The following RALGAPA2 variants were observed in gnomAD, a reference collection of about 807,000 sequenced individuals.
RALGAPA2 encodes the protein ral GTPase-activating protein subunit alpha-2.
RALGAPA2 carries 139 observed loss-of-function variants against 230.4 expected under a neutral mutation model. The ratio of observed to expected loss-of-function variants is 0.60; its 90% CI spans 0.53 to 0.69. The LOEUF (loss-of-function observed/expected upper bound fraction) is 0.69. RALGAPA2 is among the 30% of genes least tolerant of loss of function. RALGAPA2 has a pLI of 0.00. For synonymous variants in RALGAPA2, 847 were observed against 837.8 expected (o/e 1.01, Z -0.19); for missense variants, 2,163 against 2,276.0 (o/e 0.95, Z 1.01).
Position 20,526,295 on chromosome 20 carries a change from T to G in RALGAPA2, c.3650A>C (p.Lys1217Thr), listed in dbSNP as rs2063200791. ...VLQLLVSYWE[K>T]LQMFETSLPR... ...CAGAGAGGTTTCAAACATCTGAAGC[T>G]TCTCCCAGTAGGAAACCAGCAACTG... Residue 1217 changes from lysine (K) to threonine (T), a missense_variant, in exon 28 of 40, where the codon AAG (lysine) becomes ACG (threonine). Physicochemically the swap from Lys to Thr is moderately conservative, Grantham distance 78. Coordinates refer to ENST00000202677, the MANE Select transcript of RALGAPA2 (RefSeq NM_020343.4). The G allele has an allele frequency of 6.2e-7, 1 of 1,608,730 alleles. No individual in the cohort carries two copies. Among genetic ancestry groups the G allele is most frequent in the Admixed American group, 1.7e-5 (1 of 58,910 alleles).
intron 37 of RALGAPA2, among the ~76,000 whole-genome samples, chr20:20,448,685 C>T (rs1431346570): frequency 6.6e-6 from 1 of 152,084 alleles, no homozygotes; most frequent in Non-Finnish European, 1.5e-5. Flanking sequence ...GACATTCAAG[C>T]ATTTCTACAA....
intron 27 of RALGAPA2, among the ~76,000 whole-genome samples, chr20:20,530,355 C>T (rs1298425769): frequency 1.3e-5 from 2 of 152,198 alleles, no homozygotes; most frequent in African/African-American, 4.8e-5. Context: ...CATTCCTCAT[C>T]ACAGGGATCA....
At chr20:20,411,049 T>C (rs2060049757) in intron 38 of RALGAPA2, among the ~76,000 whole-genome samples, 1 of 152,150 alleles carries the variant, frequency 6.6e-6, no homozygotes, top group Non-Finnish European at 1.5e-5. Context: ...CTGGATTTAA[T>C]TTTTTTTCAC....
chr20:20,462,428 G>T (rs2061323928), intron 37 of RALGAPA2, among the ~76,000 whole-genome samples: 1 of 152,168 alleles, frequency 6.6e-6, no homozygotes, highest in South Asian at 2.1e-4. Flanking sequence ...TCACGGAGGA[G>T]AAAAGGGAGT....
intron 1 of RALGAPA2, among the ~76,000 whole-genome samples, chr20:20,694,099 G>A (rs1360251268): frequency 2.0e-5 from 3 of 150,706 alleles, no homozygotes; most frequent in Non-Finnish European, 4.4e-5. Flanking sequence ...GCTAGACGTT[G>A]TCTCAAAAAA....
At chr20:20,628,400 C>T (rs144364009) in intron 10 of RALGAPA2, among the ~76,000 whole-genome samples, 95 of 152,332 alleles carry the variant, frequency 6.2e-4, no homozygotes, top group Non-Finnish European at 1.2e-3. Flanking sequence ...TATTCCACCT[C>T]ATATACACAT....
intron 20 of RALGAPA2, among the ~76,000 whole-genome samples, chr20:20,575,928 G>T (rs1374710392): frequency 6.6e-6 from 1 of 151,900 alleles, no homozygotes; most frequent in Non-Finnish European, 1.5e-5. Context: ...AGAATAAGTG[G>T]GGCTATTTGT....
At chr20:20,533,665 C>T (rs559809869) in intron 26 of RALGAPA2, among the ~76,000 whole-genome samples, 46 of 152,172 alleles carry the variant, frequency 3.0e-4, no homozygotes, top group Admixed American at 3.0e-3. Context: ...GAAGACTATG[C>T]CCAACAAAGA....
chr20:20,655,689 C>T, intron 3 of RALGAPA2, among the ~76,000 whole-genome samples: 1 of 152,072 alleles, frequency 6.6e-6, no homozygotes, highest in South Asian at 2.1e-4. Flanking sequence ...TGGAGGTGAA[C>T]TGGAGGCAGC....
intron 23 of RALGAPA2, among the ~76,000 whole-genome samples, chr20:20,557,353 T>A (rs1033748942): frequency 6.6e-6 from 1 of 151,676 alleles, no homozygotes; most frequent in African/African-American, 2.4e-5. Flanking sequence ...TGTGTAATCA[T>A]GTAAGTAAAT....
At chr20:20,561,998 C>CCTCCAGGGAA (rs999436588) in intron 23 of RALGAPA2, among the ~76,000 whole-genome samples, 3 of 152,154 alleles carry the variant, frequency 2.0e-5, no homozygotes, top group African/African-American at 7.2e-5. Context: ...TCCCCTGCCC[C>CCTCCAGGGAA]TCAAGAATCA....
At chr20:20,507,224 A>G (rs1379305552) in intron 33 of RALGAPA2, among the ~76,000 whole-genome samples, 2 of 152,246 alleles carry the variant, frequency 1.3e-5, no homozygotes, top group African/African-American at 4.8e-5. Context: ...GATTGTAACA[A>G]CATTCCATTA....
At chr20:20,505,848 C>A (rs1403322705) in intron 33 of RALGAPA2, among the ~76,000 whole-genome samples, 1 of 152,092 alleles carries the variant, frequency 6.6e-6, no homozygotes, top group African/African-American at 2.4e-5. Context: ...GAGACCATAC[C>A]CTCAGACATA....
chr20:20,696,321 C>T (rs1030146783), intron 1 of RALGAPA2, among the ~76,000 whole-genome samples: 5 of 152,104 alleles, frequency 3.3e-5, no homozygotes, highest in African/African-American at 4.8e-5. Context: ...AGTCACTGGT[C>T]GGTTTTTGGG....
At position 20,583,027 on chromosome 20, in the gene RALGAPA2, C is replaced by T. The variant is rs535231007; in HGVS notation, c.2707+23G>A. The T allele has an allele frequency of 3.1e-6, 5 of 1,608,772 alleles. No individual in the cohort carries two copies. In the East Asian group the frequency reaches 1.1e-4, roughly 36 times the overall value. On this transcript the variant is annotated intron_variant, in intron 20 of 39. Coordinates refer to ENST00000202677, the MANE Select transcript of RALGAPA2 (RefSeq NM_020343.4). ...ATCTCCCAGCTGTTTGCATTAGTGC[C>T]TCTTTTTCAAAATGCAATTTACCTG... is the stretch of plus-strand genomic sequence containing the variant.
chr20:20,659,543 G>A (rs6082086), intron 3 of RALGAPA2, among the ~76,000 whole-genome samples: 11,601 of 152,092 alleles, frequency 0.076, 594 homozygotes, highest in East Asian at 0.16. Flanking sequence ...AAAATAATCC[G>A]AAAACAAGGG....
chr20:20,648,492 T>C (rs186851519), intron 4 of RALGAPA2, among the ~76,000 whole-genome samples: 1 of 152,136 alleles, frequency 6.6e-6, no homozygotes, highest in African/African-American at 2.4e-5. Flanking sequence ...ATTTTAAATA[T>C]ATGTAATTTA....
chr20:20,628,977 C>T (rs890063632), intron 10 of RALGAPA2, among the ~76,000 whole-genome samples: 5 of 152,162 alleles, frequency 3.3e-5, no homozygotes, highest in East Asian at 3.9e-4. Flanking sequence ...CAGAGAGCTC[C>T]GTGAGGCTCT....
chr20:20,669,318 A>C (rs1438390723), intron 3 of RALGAPA2, among the ~76,000 whole-genome samples: 2 of 152,220 alleles, frequency 1.3e-5, no homozygotes, highest in South Asian at 2.1e-4. Context: ...TGAATTAACT[A>C]TATTGTCTTA....
Sources: allele counts gnomAD v4.1 joint callset (sites outside exome capture counted in the v4.1 genomes callset), GRCh38; gene constraint gnomAD v4.1.1; transcripts MANE v1.5; gene names NCBI Gene and HGNC (gene_info 2026-07-23, HGNC 2026-07-21).